MICU1: variants seen among roughly 807,000 people sequenced by gnomAD.
MICU1 encodes mitochondrial calcium uptake 1.
Under a neutral mutation model 56.8 loss-of-function variants are expected in MICU1, and 45 were observed. The ratio of observed to expected loss-of-function variants is 0.79; its 90% confidence interval spans 0.62 to 1.02. The LOEUF is 1.02. Among genes scored for constraint, MICU1 ranks in the 50% least tolerant of loss-of-function variants. The pLI is 0.00. For missense variants in MICU1, 504 were observed against 587.1 expected (o/e 0.86, Z 1.46); for synonymous variants, 186 against 195.1 (o/e 0.95, Z 0.39).
intron 1 of MICU1, among the ~76,000 whole-genome samples, chr10:72,594,369 A>G (rs1308850881): frequency 1.3e-5 from 2 of 152,182 alleles, no homozygotes; most frequent in Non-Finnish European, 2.9e-5. Context: ...AGAAAGTTGA[A>G]CCCTTACTTA....
Position 72,475,084 on chromosome 10 carries a change from T to C in MICU1, c.933+16A>G. 6.3e-7 allele frequency: 1 copy of C among 1,598,706 alleles called. No individual in the cohort carries two copies. The highest frequency in any genetic ancestry group is 1.3e-5 in the African/African-American group (1 of 74,828). On this transcript the variant is annotated intron_variant, in intron 8 of 11. Transcript: ENST00000361114. ...TTCCACATGTGATGGATCTACTGAG[T>C]CTAAGGAAGACCTACCTCAAGCTTC...
At chr10:72,393,321 TA>T (rs1333370457) in intron 10 of MICU1, among the ~76,000 whole-genome samples, 1 of 152,134 alleles carries the variant, frequency 6.6e-6, no homozygotes, top group African/African-American at 2.4e-5. Flanking sequence ...AAAAATAGGA[TA>T]ATATGATACA....
intron 8 of MICU1, among the ~76,000 whole-genome samples, chr10:72,443,622 T>C (rs1346813503): frequency 1.3e-5 from 2 of 152,210 alleles, no homozygotes; most frequent in South Asian, 2.1e-4. Flanking sequence ...ATTTATTAAA[T>C]AGGGAATCCT....
At chr10:72,545,815 G>A (rs902405665) in intron 4 of MICU1, among the ~76,000 whole-genome samples, 4 of 152,188 alleles carry the variant, frequency 2.6e-5, no homozygotes, top group Middle Eastern at 3.2e-3. Context: ...ATTTCAAAAT[G>A]TGTCAAAGAA....
intron 10 of MICU1, 60 bp from the exon 11 acceptor site, chr10:72,375,932 T>C: frequency 6.8e-7 from 1 of 1,476,152 alleles, no homozygotes; most frequent in Admixed American, 2.0e-5. Flanking sequence ...CTTTCTCTGA[T>C]TCAGGGGATA....
chr10:72,483,907 G>T (rs1866383208), intron 6 of MICU1: 1 of 152,152 alleles, frequency 6.6e-6, no homozygotes, highest in African/African-American at 2.4e-5. Context: ...GATTACAAAA[G>T]ACACTGTGTT....
intron 6 of MICU1, among the ~76,000 whole-genome samples, chr10:72,487,639 G>A (rs927811910): frequency 6.6e-6 from 1 of 152,142 alleles, no homozygotes; most frequent in African/African-American, 2.4e-5. Flanking sequence ...TCTTCTGAAG[G>A]AGAATGATAA....
chr10:72,605,755 G>T (rs566093666), intron 1 of MICU1, among the ~76,000 whole-genome samples: 75 of 152,324 alleles, frequency 4.9e-4, no homozygotes, highest in African/African-American at 1.7e-3. Context: ...AATGACTTGA[G>T]CATCTGTGGA....
At chr10:72,549,268 G>C (rs987386543) in intron 4 of MICU1, among the ~76,000 whole-genome samples, 6 of 147,460 alleles carry the variant, frequency 4.1e-5, no homozygotes, top group Admixed American at 2.1e-4. Flanking sequence ...TTGGCACACT[G>C]TAACATCCAC....
chr10:72,566,611 A>G (rs1380756831), intron 2 of MICU1, 22 bp downstream of exon 2: 2 of 1,604,358 alleles, frequency 1.2e-6, no homozygotes, highest in Admixed American at 1.7e-5. Context: ...ACGCAAGAAC[A>G]AGATGGTTGG....
intron 6 of MICU1, among the ~76,000 whole-genome samples, chr10:72,480,783 C>G (rs1866270388): frequency 1.3e-5 from 2 of 152,316 alleles, no homozygotes; most frequent in South Asian, 4.1e-4. Flanking sequence ...ATCTTGTAGT[C>G]TTACTGTCTT....
At chr10:72,584,855 T>G (rs1223495515) in intron 1 of MICU1, among the ~76,000 whole-genome samples, 1 of 152,106 alleles carries the variant, frequency 6.6e-6, no homozygotes, top group Non-Finnish European at 1.5e-5. Context: ...TAAATACTTT[T>G]TAATGTACCT....
At chr10:72,499,192 T>C (rs1042369575) in intron 6 of MICU1, among the ~76,000 whole-genome samples, 5 of 152,236 alleles carry the variant, frequency 3.3e-5, no homozygotes, top group African/African-American at 4.8e-5. Context: ...CTCTGTTCTC[T>C]GCTTAGCCTT....
chr10:72,378,124 G>A (rs138419659), intron 10 of MICU1, among the ~76,000 whole-genome samples: 1,940 of 152,160 alleles, frequency 0.013, 31 homozygotes, highest in African/African-American at 0.044. Flanking sequence ...GTGGTGGTGC[G>A]CACCTATAGT....
chr10:72,455,030 C>T (rs1294852682), intron 8 of MICU1, among the ~76,000 whole-genome samples: 1 of 151,834 alleles, frequency 6.6e-6, no homozygotes, highest in Admixed American at 6.6e-5. Context: ...AAGAAGATAA[C>T]CAAACAGTAG....
chr10:72,515,383 TTCTC>T (rs1340716407), intron 5 of MICU1, among the ~76,000 whole-genome samples: 2 of 152,346 alleles, frequency 1.3e-5, no homozygotes, highest in East Asian at 3.9e-4. Context: ...GTGTCATTTT[TTCTC>T]TCTTTGTACT....
At chr10:72,455,778 G>T (rs1865440101) in intron 8 of MICU1, among the ~76,000 whole-genome samples, 1 of 151,994 alleles carries the variant, frequency 6.6e-6, no homozygotes, top group South Asian at 2.1e-4. Flanking sequence ...ATAAACCATG[G>T]TGCATAGCAT....
intron 4 of MICU1, among the ~76,000 whole-genome samples, chr10:72,541,931 T>C (rs1839782844): frequency 6.6e-6 from 1 of 152,146 alleles, no homozygotes; most frequent in Non-Finnish European, 1.5e-5. Flanking sequence ...TGTATACAAA[T>C]AATATCCACA....
rs150140047 is a variant in MICU1 at position 72,390,130 on chromosome 10, T to C, written c.1181-14258A>G. 3.7e-4 allele frequency among the ~76,000 whole-genome samples: 56 copies of C among 152,038 alleles called. No homozygotes were observed. The East Asian group carries it at 7.9e-3, about 21-fold the overall frequency. On this transcript the variant is annotated intron_variant, in intron 10 of 11. Transcript: ENST00000361114. ...CATGGGTCATGCAGAACTAAAGAAA[T>C]AGCCTTAATTAAATTTGATGTTTTT...
Sources: allele counts gnomAD v4.1 joint callset (sites outside exome capture counted in the v4.1 genomes callset), GRCh38; gene constraint gnomAD v4.1.1; transcripts MANE v1.5; gene names NCBI Gene and HGNC (gene_info 2026-07-23, HGNC 2026-07-21).